Variants in UTRN observed in about 807,000 individuals in gnomAD.
UTRN encodes dystrophin-related protein 1.
A neutral mutation model predicts 463.9 loss-of-function variants in UTRN; 283 were observed. The ratio of observed to expected loss-of-function variants is 0.61; its 90% CI spans 0.55 to 0.67. The LOEUF is 0.67. Among genes scored for constraint, UTRN ranks in the 30% least tolerant of loss-of-function variants. UTRN has a pLI of 0.00. For missense variants in UTRN, 3,922 were observed against 4,084.3 expected (o/e 0.96, Z 1.08); for synonymous variants, 1,442 against 1,431.5 (o/e 1.01, Z -0.17).
rs373155050 is a variant in UTRN at position 144,704,891 on chromosome 6, G to A, written c.7809+4648G>A. Among the ~76,000 whole-genome samples the A allele has an allele frequency of 2.0e-5, 3 of 152,136 alleles. No homozygotes were observed. In the South Asian group the frequency reaches 6.2e-4, roughly 32 times the overall value. The stretch of plus-strand genomic sequence containing the variant: ...GCAGGAGAATTGCTGGAACCCAGGA[G>A]GCAGAGGTTGCAGTGAGCCAAGATC... On this transcript the variant is annotated intron_variant, in intron 53 of 74. Transcript: ENST00000367545.
At chr6:144,833,034 G>A (rs1586759861) in intron 69 of UTRN, among the ~76,000 whole-genome samples, 2 of 152,212 alleles carry the variant, frequency 1.3e-5, no homozygotes, top group East Asian at 1.9e-4. Flanking sequence ...TGGTCAGGCT[G>A]GTCTCAAGCT....
At chr6:144,756,559 T>C (rs1792011376) in intron 57 of UTRN, among the ~76,000 whole-genome samples, 1 of 152,150 alleles carries the variant, frequency 6.6e-6, no homozygotes, top group Admixed American at 6.6e-5. Flanking sequence ...TTTGGCTTTA[T>C]TATATTTCTT....
intron 52 of UTRN, among the ~76,000 whole-genome samples, chr6:144,687,729 A>G (rs1384666288): frequency 6.6e-6 from 1 of 152,052 alleles, no homozygotes; most frequent in Non-Finnish European, 1.5e-5. Flanking sequence ...TGTTCATTCG[A>G]TAAGTTTTTC....
chr6:144,613,447 G>A (rs938496364), intron 51 of UTRN, among the ~76,000 whole-genome samples: 9 of 152,050 alleles, frequency 5.9e-5, no homozygotes, highest in Non-Finnish European at 1.0e-4. Flanking sequence ...TGATCATGCC[G>A]TGTTGTATCC....
chr6:144,413,142 T>C (rs1467283563), intron 3 of UTRN, among the ~76,000 whole-genome samples: 1 of 152,206 alleles, frequency 6.6e-6, no homozygotes, highest in Non-Finnish European at 1.5e-5. Context: ...GTACTGTTTT[T>C]TGTTTAAATC....
Position 144,366,124 on chromosome 6 carries a change from G to A in UTRN, c.80-36999G>A, listed in dbSNP as rs898793345. Among the ~76,000 whole-genome samples the A allele has an allele frequency of 4.6e-5, 7 of 152,174 alleles. 1 individual carries two copies. In the South Asian group the frequency reaches 1.5e-3, roughly 32 times the overall value. ...CATTCTATTTCTGACACAATAAACA[G>A]CGTAATCGTCACATGAATATAAAAG... On this transcript the variant is annotated intron_variant, in intron 2 of 74. Coordinates refer to ENST00000367545, the MANE Select transcript of UTRN (RefSeq NM_007124.3).
chr6:144,822,691 T>C (rs1188978363), intron 66 of UTRN, among the ~76,000 whole-genome samples: 1 of 152,154 alleles, frequency 6.6e-6, no homozygotes, highest in Non-Finnish European at 1.5e-5. Context: ...CAAAAGGTTG[T>C]GTGATAATAG....
intron 2 of UTRN, among the ~76,000 whole-genome samples, chr6:144,373,212 T>A (rs1457726800): frequency 6.6e-6 from 1 of 152,170 alleles, no homozygotes; most frequent in Non-Finnish European, 1.5e-5. Flanking sequence ...CAAAAACTTG[T>A]ACATGGATAT....
chr6:144,633,782 C>T (rs139640006), intron 51 of UTRN, among the ~76,000 whole-genome samples: 1,761 of 152,276 alleles, frequency 0.012, 11 homozygotes, highest in Non-Finnish European at 0.019. Context: ...TCCTTCCCTT[C>T]GGTATGATAA....
chr6:144,637,484 G>C (rs1416730862), intron 51 of UTRN, among the ~76,000 whole-genome samples: 4 of 151,768 alleles, frequency 2.6e-5, no homozygotes, highest in Non-Finnish European at 5.9e-5. Context: ...TCTTGAAAGA[G>C]CAACTATAGT....
At chr6:144,824,612 A>ATATATATATAT (rs1562955125) in intron 66 of UTRN, among the ~76,000 whole-genome samples, 2 of 39,802 alleles carry the variant, frequency 5.0e-5, no homozygotes, top group African/African-American at 1.2e-4. Context: ...ATATATATAT[A>ATATATATATAT]TCTTTTTTTT....
At chr6:144,410,392 G>C (rs983961186) in intron 3 of UTRN, among the ~76,000 whole-genome samples, 1 of 152,120 alleles carries the variant, frequency 6.6e-6, no homozygotes, top group African/African-American at 2.4e-5. Flanking sequence ...TGCATAAAGA[G>C]TCAGAGCTTT....
At chr6:144,416,708 T>C (rs1167298645) in intron 3 of UTRN, among the ~76,000 whole-genome samples, 7 of 152,216 alleles carry the variant, frequency 4.6e-5, no homozygotes. Flanking sequence ...TTGTGTCATG[T>C]GGTTGTTTAC....
chr6:144,543,492 C>T (rs1307740655), intron 46 of UTRN, among the ~76,000 whole-genome samples: 1 of 152,222 alleles, frequency 6.6e-6, no homozygotes, highest in Non-Finnish European at 1.5e-5. Context: ...ATGCCCTGCT[C>T]TTCCTCTGTT....
chr6:144,683,556 ATTCC>A (rs1782426633), intron 52 of UTRN, among the ~76,000 whole-genome samples: 1 of 152,052 alleles, frequency 6.6e-6, no homozygotes. Flanking sequence ...CTTTCCTCTC[ATTCC>A]TTTCATGCAC....
Position 144,851,149 on chromosome 6 carries a change from C to G in UTRN, c.*152C>G, listed in dbSNP as rs1205083951. 1.1e-6 allele frequency: 1 copy of G among 921,044 alleles called. No individual in the cohort carries two copies. Among genetic ancestry groups the G allele is most frequent in the Non-Finnish European group, 1.8e-6 (1 of 570,610 alleles). The allele number at this position is 921,044 out of a possible 1,614,324, so 57.1% of individuals were successfully genotyped here. ...TGTGTTCTACTGAAAGAGTAAAACA[C>G]TGACTATCCAAAGAGAAATGGATAT... On this transcript the variant is annotated 3_prime_UTR_variant, in exon 75 of 75. Transcript: ENST00000367545.
intron 51 of UTRN, among the ~76,000 whole-genome samples, chr6:144,662,479 T>A (rs1336337833): frequency 6.6e-6 from 1 of 152,202 alleles, no homozygotes; most frequent in East Asian, 1.9e-4. Flanking sequence ...CCCTCAATTC[T>A]CAGTCCTGTC....
intron 4 of UTRN, 60 bp from the exon 5 acceptor site, chr6:144,423,487 AGT>A: frequency 2.0e-6 from 3 of 1,497,016 alleles, no homozygotes; most frequent in Non-Finnish European, 2.8e-6. Context: ...TCTCAGTGCT[AGT>A]GTTAGTCAGG....
chr6:144,631,687 C>T (rs186170025), intron 51 of UTRN, among the ~76,000 whole-genome samples: 5 of 152,206 alleles, frequency 3.3e-5, no homozygotes, highest in East Asian at 3.9e-4. Context: ...TACTGTGGAT[C>T]GGTTCTCCTC....
Sources: gnomAD v4.1 joint callset for allele counts (sites outside exome capture counted in the v4.1 genomes callset) on GRCh38, gnomAD v4.1.1 for gene constraint, MANE v1.5 for transcripts, NCBI Gene and HGNC (gene_info 2026-07-23, HGNC 2026-07-21) for gene names.